The following GRM5 variants were observed in gnomAD, a reference collection of about 807,000 sequenced individuals.
The protein encoded by GRM5 is glutamate metabotropic receptor 5.
GRM5 carries 19 observed loss-of-function variants against 83.1 expected under a neutral mutation model. The ratio of observed to expected loss-of-function variants is 0.23; its 90% CI spans 0.16 to 0.34. The LOEUF (loss-of-function observed/expected upper bound fraction) is 0.34. Among genes scored for constraint, GRM5 ranks in the 10% least tolerant of loss-of-function variants. The pLI is 1.00. For synonymous variants in GRM5, 675 were observed against 633.6 expected, an observed-to-expected ratio of 1.07 and a Z score of -0.98; for missense variants, 1,160 against 1,588.3, an observed-to-expected ratio of 0.73 and a Z score of 4.58.
chr11:88,882,546 G>T (rs977155516), intron 2 of GRM5, among the ~76,000 whole-genome samples: 13 of 148,240 alleles, frequency 8.8e-5, no homozygotes, highest in African/African-American at 2.7e-4. Context: ...GGGCAAAAGA[G>T]CGAGACTCTG....
intron 2 of GRM5, among the ~76,000 whole-genome samples, chr11:88,950,351 A>T (rs1232345194): frequency 3.4e-5 from 5 of 147,394 alleles, no homozygotes; most frequent in East Asian, 4.0e-4. Flanking sequence ...TTGTGAGATA[A>T]GTGTGTGTGT....
intron 6 of GRM5, among the ~76,000 whole-genome samples, 195 bp from the exon 7 acceptor site, chr11:88,590,922 G>A (rs990646924): frequency 2.2e-4 from 33 of 152,062 alleles, no homozygotes; most frequent in African/African-American, 6.8e-4. Context: ...CAAGTCCAGC[G>A]TCATAAAGTT....
intron 7 of GRM5, among the ~76,000 whole-genome samples, chr11:88,589,016 C>T (rs1039135522): frequency 6.6e-6 from 1 of 152,086 alleles, no homozygotes. Flanking sequence ...CATAGTCTTA[C>T]AGAACATGAG....
intron 2 of GRM5, among the ~76,000 whole-genome samples, chr11:88,891,194 C>A (rs1036942924): frequency 6.6e-6 from 1 of 151,998 alleles, no homozygotes; most frequent in African/African-American, 2.4e-5. Flanking sequence ...GGCATTTAAT[C>A]AAATTGGGGT....
chr11:88,959,721 T>C (rs1007641088), intron 2 of GRM5, among the ~76,000 whole-genome samples: 6 of 152,128 alleles, frequency 3.9e-5, no homozygotes, highest in African/African-American at 1.4e-4. Flanking sequence ...TGACCTTAGT[T>C]GAGTCAGCCA....
intron 8 of GRM5, among the ~76,000 whole-genome samples, chr11:88,544,415 C>T (rs1942344703): frequency 6.6e-6 from 1 of 152,212 alleles, no homozygotes; most frequent in Non-Finnish European, 1.5e-5. Context: ...GACTTTTCTA[C>T]TCCTTGTATT....
chr11:88,590,079 A>T (rs1937612410), intron 7 of GRM5, among the ~76,000 whole-genome samples: 1 of 152,206 alleles, frequency 6.6e-6, no homozygotes, highest in Non-Finnish European at 1.5e-5. Flanking sequence ...AAAGAAAAAA[A>T]ATAAACAAGT....
chr11:88,915,095 T>G (rs1945566714), intron 2 of GRM5, among the ~76,000 whole-genome samples: 1 of 152,132 alleles, frequency 6.6e-6, no homozygotes, highest in Admixed American at 6.5e-5. Context: ...TATACTATTT[T>G]GAGCACTAGG....
intron 2 of GRM5, among the ~76,000 whole-genome samples, chr11:89,029,106 T>G (rs1941198905): frequency 1.3e-5 from 2 of 152,240 alleles, no homozygotes; most frequent in Non-Finnish European, 2.9e-5. Context: ...GCAAAGGACG[T>G]GAACTCATCT....
intron 1 of GRM5, among the ~76,000 whole-genome samples, chr11:89,048,738 G>T (rs547604571): frequency 5.9e-5 from 9 of 152,244 alleles, no homozygotes; most frequent in African/African-American, 1.4e-4. Flanking sequence ...GAAAGGAAAA[G>T]GTTGGGGAAT....
chr11:88,886,135 C>A (rs1286711613), intron 2 of GRM5, among the ~76,000 whole-genome samples: 4 of 152,176 alleles, frequency 2.6e-5, no homozygotes, highest in African/African-American at 4.8e-5. Flanking sequence ...GCCAGCCAGT[C>A]CTTTCCACTC....
At chr11:88,801,597 T>A (rs142172578) in intron 3 of GRM5, among the ~76,000 whole-genome samples, 1 of 152,246 alleles carries the variant, frequency 6.6e-6, no homozygotes, top group Non-Finnish European at 1.5e-5. Flanking sequence ...CAACTGAATC[T>A]TAACAAAACC....
Position 88,982,442 on chromosome 11 carries a change from T to C in GRM5, c.661+64770A>G, listed in dbSNP as rs190855918. ...TGGAAAAAGAACTCCACCCATCTTA[T>C]AAAAATTTGTCATTGCCAAATTATT... On this transcript the variant is annotated intron_variant, in intron 2 of 9. Transcript: ENST00000305447. Among the ~76,000 whole-genome samples the C allele has an allele frequency of 2.4e-3, 366 of 152,288 alleles. 1 individual carries two copies. The highest frequency in any genetic ancestry group is 4.0e-3 in the Non-Finnish European group (269 of 67,996).
Position 88,509,432 on chromosome 11 carries a change from C to T in GRM5, c.2799G>A (p.Leu933=). ...TTTCTTTCTTGTTGATGTGGATGGACAGGCGCTGCCACAGGTGCTGCCCCC... is the reference window on the plus strand; with the variant it reads ...TTTCTTTCTTGTTGATGTGGATGGATAGGCGCTGCCACAGGTGCTGCCCCC... The part of the protein sequence containing the change: ...SSRGQHLWQR[L]SIHINKKENP... Residue 933 remains leucine (L), a synonymous_variant, in exon 10 of 10, where the codon CTG becomes CTA. Transcript: ENST00000305447. 1 of 1,612,830 alleles carries T rather than the reference C, an allele frequency of 6.2e-7. No individual in the cohort carries two copies. The highest frequency in any genetic ancestry group is 8.5e-7 in the Non-Finnish European group (1 of 1,179,866).
chr11:88,927,709 G>C (rs1285515630), intron 2 of GRM5, among the ~76,000 whole-genome samples: 2 of 152,028 alleles, frequency 1.3e-5, no homozygotes, highest in African/African-American at 4.8e-5. Context: ...ACATCACAAA[G>C]TTAAGCCACC....
At chr11:88,837,147 C>T (rs1590898507) in intron 3 of GRM5, among the ~76,000 whole-genome samples, 1 of 152,206 alleles carries the variant, frequency 6.6e-6, no homozygotes, top group Admixed American at 6.5e-5. Context: ...ACCTTTAACT[C>T]TACATTTTCC....
At chr11:88,915,107 T>A (rs1262208268) in intron 2 of GRM5, among the ~76,000 whole-genome samples, 1 of 152,140 alleles carries the variant, frequency 6.6e-6, no homozygotes, top group African/African-American at 2.4e-5. Context: ...AGCACTAGGT[T>A]TGACTACTTC....
intron 2 of GRM5, among the ~76,000 whole-genome samples, chr11:88,907,056 C>A (rs1053293051): frequency 6.6e-6 from 1 of 151,788 alleles, no homozygotes; most frequent in African/African-American, 2.4e-5. Flanking sequence ...GGCCTGGAAG[C>A]AGATACCCAA....
chr11:88,992,139 G>C (rs1208058209), intron 2 of GRM5, among the ~76,000 whole-genome samples: 1 of 152,044 alleles, frequency 6.6e-6, no homozygotes, highest in Non-Finnish European at 1.5e-5. Flanking sequence ...ATAATATCCA[G>C]AACCTACAAT....
Sources: allele counts gnomAD v4.1 joint callset (sites outside exome capture counted in the v4.1 genomes callset), GRCh38; gene constraint gnomAD v4.1.1; transcripts MANE v1.5; gene names NCBI Gene and HGNC (gene_info 2026-07-23, HGNC 2026-07-21).